The following CPEB4 variants were observed in gnomAD, a reference collection of about 807,000 sequenced individuals.
The protein encoded by CPEB4 is cytoplasmic polyadenylation element-binding protein 4.
CPEB4 carries 12 observed loss-of-function variants against 72.5 expected under a neutral mutation model. That is an observed-to-expected ratio of 0.17 (90% CI 0.11 to 0.27). The LOEUF is 0.27. Among genes scored for constraint, CPEB4 ranks in the 10% least tolerant of loss-of-function variants. The pLI, the probability that CPEB4 is intolerant of heterozygous loss-of-function variation, is 1.00. For synonymous variants in CPEB4, 302 were observed against 326.3 expected (o/e 0.93, Z 0.80); for missense variants, 614 against 908.5 (o/e 0.68, Z 4.17).
intron 2 of CPEB4, among the ~76,000 whole-genome samples, chr5:173,928,362 C>T (rs754324237): frequency 3.3e-5 from 5 of 152,020 alleles, no homozygotes; most frequent in Non-Finnish European, 5.9e-5. Flanking sequence ...CCACTCTGGT[C>T]GGGATGTTGA....
chr5:173,918,314 A>C (rs1044669016), intron 2 of CPEB4: 2 of 152,262 alleles, frequency 1.3e-5, no homozygotes, highest in African/African-American at 4.8e-5. Flanking sequence ...TTTTGTATGA[A>C]AAGTGAAGGG....
intron 3 of CPEB4, among the ~76,000 whole-genome samples, chr5:173,939,427 TTTGA>T (rs1757749556): frequency 1.3e-5 from 2 of 152,226 alleles, no homozygotes; most frequent in South Asian, 4.1e-4. Context: ...TTTGTTTCTT[TTTGA>T]TTATTACAAA....
In CPEB4 at chr5:173,960,862, T is replaced by C. The variant is rs1419306747; in HGVS notation, c.*4725T>C. ...CTCTATGGCATGTCAATTGAAAATA[T>C]TATCTTTGATTTGATCCATTAATCA... On this transcript the variant is annotated 3_prime_UTR_variant, in exon 10 of 10. Coordinates refer to ENST00000265085, the MANE Select transcript of CPEB4 (RefSeq NM_030627.4). 1 of 152,114 alleles carries C rather than the reference T, an allele frequency of 6.6e-6. No homozygotes were observed. Among genetic ancestry groups the C allele is most frequent in the Non-Finnish European group, 1.5e-5 (1 of 68,044 alleles). The allele number at this position is 152,114 out of a possible 1,614,324, so 9.4% of individuals were successfully genotyped here. A position where few individuals can be genotyped will look rare whatever the true frequency, so the allele number is the denominator to read the frequency against.
intron 1 of CPEB4, among the ~76,000 whole-genome samples, chr5:173,906,916 G>A (rs1756456879): frequency 6.6e-6 from 1 of 152,160 alleles, no homozygotes; most frequent in Admixed American, 6.5e-5. Flanking sequence ...CATGGGGCAG[G>A]GTAGTGGGAG....
chr5:173,890,950 C>T, intron 1 of CPEB4, 92 bp downstream of exon 1: 1 of 1,192,076 alleles, frequency 8.4e-7, no homozygotes, highest in South Asian at 1.6e-5. Flanking sequence ...CCCGTATTCA[C>T]ATCAGAGCTT....
chr5:173,932,173 A>C (rs920764912), intron 2 of CPEB4, among the ~76,000 whole-genome samples: 2 of 152,240 alleles, frequency 1.3e-5, no homozygotes, highest in African/African-American at 4.8e-5. Context: ...AGAAATGTGA[A>C]GATTGTCATA....
chr5:173,930,562 A>G (rs904306089), intron 2 of CPEB4, among the ~76,000 whole-genome samples: 3 of 152,210 alleles, frequency 2.0e-5, no homozygotes, highest in Non-Finnish European at 4.4e-5. Context: ...TGAAATGTCA[A>G]AATTAATTTT....
chr5:173,898,885 C>T (rs1025476924), intron 1 of CPEB4, among the ~76,000 whole-genome samples: 7 of 152,284 alleles, frequency 4.6e-5, no homozygotes, highest in East Asian at 1.9e-4. Context: ...AGGCTGGTCT[C>T]GAACTCTTGA....
In CPEB4 at chr5:173,908,393, G is replaced by A. The variant is rs565833002; in HGVS notation, c.1126-2130G>A. On this transcript the variant is annotated intron_variant, in intron 1 of 9. Transcript: ENST00000265085. ...AGAGCAGGATAGAATGGTAAGGCAC[G>A]TGTTCACTCTTCCCCATCCTCATCC... Among the ~76,000 whole-genome samples the A allele has an allele frequency of 2.0e-5, 3 of 152,286 alleles. No individual in the cohort carries two copies. In the South Asian group the frequency reaches 6.2e-4, roughly 32 times the overall value.
At chr5:173,934,146 C>G (rs1025456822) in intron 3 of CPEB4, among the ~76,000 whole-genome samples, 15 of 152,096 alleles carry the variant, frequency 9.9e-5, no homozygotes, top group African/African-American at 3.4e-4. Context: ...GATTGCACCA[C>G]TGTACTCCAG....
rs2113312344 is a variant in CPEB4 at position 173,956,745 on chromosome 5, C to CATA, written c.*610_*611insAAT. ...CAAATGCATAAGCAAGACTGAGCAG[C>CATA]ATTATAATTAATTTTCAGGGTTTTG... On this transcript the variant is annotated 3_prime_UTR_variant, in exon 10 of 10. Transcript: ENST00000265085. The CATA allele has an allele frequency of 6.6e-6, 1 of 150,942 alleles. No homozygotes were observed. Among genetic ancestry groups the CATA allele is most frequent in the South Asian group, 2.1e-4 (1 of 4,782 alleles). The allele number at this position is 150,942 out of a possible 1,614,324, so 9.4% of individuals were successfully genotyped here.
chr5:173,937,491 T>C (rs1757670721), intron 3 of CPEB4, among the ~76,000 whole-genome samples: 1 of 152,230 alleles, frequency 6.6e-6, no homozygotes, highest in South Asian at 2.1e-4. Context: ...AATATGGTTC[T>C]AGTTGCTACA....
intron 5 of CPEB4, among the ~76,000 whole-genome samples, chr5:173,948,370 G>A (rs983080624): frequency 1.3e-5 from 2 of 152,110 alleles, no homozygotes; most frequent in African/African-American, 2.4e-5. Context: ...GAAACCAGGC[G>A]ATCAAGATTA....
At position 173,949,496 on chromosome 5, in the gene CPEB4, G is replaced by A. The variant is rs775100149; in HGVS notation, c.1457-12G>A. 1.3e-6 allele frequency: 2 copies of A among 1,578,158 alleles called. No individual in the cohort carries two copies. The highest frequency in any genetic ancestry group is 2.7e-5 in the African/African-American group (2 of 73,758). ...ATATTTAAATCTACTGTTTTCCTTTGTTGTTTATTAGATGAGATCACAGCT... is the reference window on the plus strand; with the variant it reads ...ATATTTAAATCTACTGTTTTCCTTTATTGTTTATTAGATGAGATCACAGCT... On this transcript the variant is annotated splice_polypyrimidine_tract_variant and intron_variant, in intron 5 of 9. Coordinates refer to ENST00000265085, the MANE Select transcript of CPEB4 (RefSeq NM_030627.4).
intron 1 of CPEB4, among the ~76,000 whole-genome samples, chr5:173,897,952 C>T (rs1309223808): frequency 6.6e-6 from 1 of 152,144 alleles, no homozygotes; most frequent in Non-Finnish European, 1.5e-5. Context: ...GAATTCTGGT[C>T]CTGTTACATG....
intron 4 of CPEB4, among the ~76,000 whole-genome samples, chr5:173,944,078 A>G (rs924979853): frequency 6.6e-6 from 1 of 152,206 alleles, no homozygotes; most frequent in Non-Finnish European, 1.5e-5. Context: ...TGTTTCCTGC[A>G]TATATATTCT....
At chr5:173,901,819 T>C (rs1245899066) in intron 1 of CPEB4, among the ~76,000 whole-genome samples, 1 of 152,236 alleles carries the variant, frequency 6.6e-6, no homozygotes, top group East Asian at 1.9e-4. Context: ...TTAGCCACTT[T>C]CTATATCAGT....
intron 3 of CPEB4, among the ~76,000 whole-genome samples, chr5:173,937,116 C>T (rs1757656141): frequency 6.7e-6 from 1 of 149,742 alleles, no homozygotes; most frequent in South Asian, 2.1e-4. Flanking sequence ...CATCTCGGCT[C>T]ACTGTAGCCT....
At chr5:173,892,661 C>T (rs553056003) in intron 1 of CPEB4, among the ~76,000 whole-genome samples, 2 of 152,156 alleles carry the variant, frequency 1.3e-5, no homozygotes, top group African/African-American at 4.8e-5. Context: ...AGCTTACTGA[C>T]TTTTGTTAAG....
Sources: allele counts gnomAD v4.1 joint callset (sites outside exome capture counted in the v4.1 genomes callset), GRCh38; gene constraint gnomAD v4.1.1; transcripts MANE v1.5; gene names NCBI Gene and HGNC (gene_info 2026-07-23, HGNC 2026-07-21).